PCDHA4: variants seen among roughly 807,000 people sequenced by gnomAD.
The protein encoded by PCDHA4 is protocadherin alpha-4.
PCDHA4 carries 49 observed loss-of-function variants against 61.4 expected under a neutral mutation model. The observed-to-expected ratio is 0.80, with a 90% CI of 0.63 to 1.01. PCDHA4 has a LOEUF of 1.01. Ranked by LOEUF, PCDHA4 falls within the 50% of genes least tolerant of loss-of-function variation. The pLI is 0.00. For synonymous variants in PCDHA4, 590 were observed against 550.3 expected (o/e 1.07, Z -1.01); for missense variants, 1,254 against 1,235.8 (o/e 1.01, Z -0.22).
intron 1 of PCDHA4, among the ~76,000 whole-genome samples, chr5:140,844,605 G>GA (rs1306948486): frequency 6.7e-6 from 1 of 149,186 alleles, no homozygotes; most frequent in Non-Finnish European, 1.5e-5. Context: ...ATATGACTTA[G>GA]AAAAATGTTT....
intron 1 of PCDHA4, among the ~76,000 whole-genome samples, chr5:140,961,356 CA>C (rs1164957121): frequency 1.3e-5 from 2 of 152,168 alleles, no homozygotes; most frequent in Non-Finnish European, 2.9e-5. Context: ...CTGTAGTCCC[CA>C]TTAGAATTCT....
chr5:140,875,410 A>G (rs1459624657), intron 1 of PCDHA4: 3 of 1,502,000 alleles, frequency 2.0e-6, no homozygotes, highest in African/African-American at 1.4e-5. Flanking sequence ...TGCTCATAAA[A>G]TACCTCAGGC....
At chr5:140,928,434 CTT>C (rs1554205890) in intron 1 of PCDHA4, 1 of 1,614,172 alleles carries the variant, frequency 6.2e-7, no homozygotes, top group South Asian at 1.1e-5. Flanking sequence ...CTTCCTTTGA[CTT>C]TGAGCAGCTC....
chr5:140,981,794 T>G (rs1290588653), intron 2 of PCDHA4, among the ~76,000 whole-genome samples: 2 of 152,150 alleles, frequency 1.3e-5, no homozygotes, highest in Non-Finnish European at 2.9e-5. Flanking sequence ...CTCTTTTCCC[T>G]TGAACAGTTT....
chr5:140,956,194 A>G (rs1370463281), intron 1 of PCDHA4, among the ~76,000 whole-genome samples: 1 of 152,060 alleles, frequency 6.6e-6, no homozygotes, highest in Non-Finnish European at 1.5e-5. Flanking sequence ...GCTGAATAGG[A>G]GTGGTGAAAG....
rs2150357213 is a variant in PCDHA4 at position 140,843,314 on chromosome 5, G to T, written c.2385+33742G>T. 3.8e-6 allele frequency: 6 copies of T among 1,596,084 alleles called. 2 individuals carry two copies. Among genetic ancestry groups the T allele is most frequent in the Non-Finnish European group, 5.1e-6 (6 of 1,165,598 alleles). ...ACCTGCGCTGACCGCCACGGCCACG[G>T]TTCTGGTGTCGCTGGTGGAGAGCGG... is the stretch of plus-strand genomic sequence containing the variant. On this transcript the variant is annotated intron_variant, in intron 1 of 3. Transcript: ENST00000530339.
Position 140,809,257 on chromosome 5 carries a change from T to C in PCDHA4, c.2070T>C (p.Asp690=). Residue 690 remains aspartate, a synonymous_variant, in exon 1 of 4, where the codon GAT becomes GAC. Transcript: ENST00000530339. ...SRALVGAVGP[D]AALVDVNVYL... is the part of the protein sequence containing the mutation. Reference sequence around the variant, plus strand: ...CGTTGGTGGGCGCTGTGGGTCCCGATGCTGCGCTGGTGGATGTCAACGTAT... The same window carrying C: ...CGTTGGTGGGCGCTGTGGGTCCCGACGCTGCGCTGGTGGATGTCAACGTAT... 1 of 1,614,092 alleles carries C rather than the reference T, an allele frequency of 6.2e-7. No homozygotes were observed. The highest frequency in any genetic ancestry group is 8.5e-7 in the Non-Finnish European group (1 of 1,179,962).
At chr5:140,823,074 G>T (rs2150121971) in intron 1 of PCDHA4, 5 of 1,613,698 alleles carry the variant, frequency 3.1e-6, no homozygotes, top group South Asian at 1.1e-5. Flanking sequence ...GCTCGCCTTC[G>T]CTGTGGGCCA....
rs2150119748 is a variant in PCDHA4, at chr5:140,822,840, C to T, written c.2385+13268C>T. 2.5e-5 allele frequency: 40 copies of T among 1,614,188 alleles called. 1 individual carries two copies. The South Asian group carries it at 4.3e-4, about 17-fold the overall frequency. On this transcript the variant is annotated intron_variant, in intron 1 of 3. Transcript: ENST00000530339. ...CAGAGATGGCCATAACCACCCTTTT[C>T]CTGCCTGTCAAAGAGGACGCTCCAC... is the stretch of plus-strand genomic sequence containing the variant.
In PCDHA4 at chr5:140,808,241, T is replaced by C; in HGVS notation, c.1054T>C (p.Phe352Leu). ...DNNDNVPDLE[F>L]KSLSLPIRED... ...CAACGATAATGTCCCAGATTTGGAA[T>C]TCAAGTCTTTATCACTTCCAATTAG... is the stretch of plus-strand genomic sequence containing the variant. The change falls in exon 1 of 4, where the codon TTC (phenylalanine) becomes CTC (leucine). Residue 352 changes from phenylalanine (F) to leucine (L), a missense_variant. By Grantham distance (22) the Phe-to-Leu change is conservative (BLOSUM62 0). Transcript: ENST00000530339. 5.6e-6 allele frequency: 9 copies of C among 1,614,244 alleles called. No individual in the cohort carries two copies. Among genetic ancestry groups the C allele is most frequent in the Non-Finnish European group, 7.6e-6 (9 of 1,180,036 alleles).
chr5:140,966,543 A>G lies in PCDHA4; in HGVS notation c.2386-12406A>G, dbSNP rs200134570. 641 of 461,190 alleles carry G rather than the reference A, an allele frequency of 1.4e-3. 4 individuals carry two copies. The highest frequency in any genetic ancestry group is 0.011 in the African/African-American group (555 of 49,108). The allele number at this position is 461,190 out of a possible 1,614,324, so 28.6% of individuals were successfully genotyped here. ...AGCCGAGCCGGGTTGAGCGACTCGGAGGCGAGCGGAGGAGCTGGAATATGG... is the reference window on the plus strand; with the variant it reads ...AGCCGAGCCGGGTTGAGCGACTCGGGGGCGAGCGGAGGAGCTGGAATATGG... On this transcript the variant is annotated intron_variant, in intron 1 of 3. Coordinates refer to ENST00000530339, the MANE Select transcript of PCDHA4 (RefSeq NM_018907.4).
intron 1 of PCDHA4, chr5:140,877,117 G>T (rs781979355): frequency 6.8e-6 from 11 of 1,613,720 alleles, no homozygotes; most frequent in Admixed American, 3.3e-5. Flanking sequence ...GGGCAGCAAC[G>T]TGACGCTGCA....
intron 1 of PCDHA4, chr5:140,810,988 A>G (rs1188660175): frequency 6.6e-6 from 1 of 152,160 alleles, no homozygotes; most frequent in Non-Finnish European, 1.5e-5. Flanking sequence ...GGTAGGGGTC[A>G]AGATTTATTT....
intron 1 of PCDHA4, among the ~76,000 whole-genome samples, chr5:140,965,939 C>A (rs1554227944): frequency 6.6e-6 from 1 of 152,188 alleles, no homozygotes; most frequent in Admixed American, 6.5e-5. Flanking sequence ...GGAAAGAGGG[C>A]AGCATTTGCC....
chr5:140,980,857 T>C (rs2153822974), intron 2 of PCDHA4, among the ~76,000 whole-genome samples: 1 of 152,334 alleles, frequency 6.6e-6, no homozygotes. Flanking sequence ...ATCTTTTTCG[T>C]ATGTGTGCTT....
intron 1 of PCDHA4, chr5:140,862,727 C>G (rs1407282014): frequency 3.5e-6 from 2 of 570,998 alleles, no homozygotes; most frequent in African/African-American, 1.9e-5. Context: ...TGCGCGCTGT[C>G]TAGCTATGTG....
intron 1 of PCDHA4, among the ~76,000 whole-genome samples, chr5:140,827,066 C>T (rs1769167179): frequency 6.6e-6 from 1 of 152,076 alleles, no homozygotes; most frequent in African/African-American, 2.4e-5. Context: ...TTGCTCATGC[C>T]TTGCTATTTA....
At chr5:141,000,993 C>A (rs1273666357) in intron 3 of PCDHA4, among the ~76,000 whole-genome samples, 1 of 151,964 alleles carries the variant, frequency 6.6e-6, no homozygotes, top group Non-Finnish European at 1.5e-5. Context: ...AATAAATATG[C>A]TTTAAATATG....
intron 1 of PCDHA4, among the ~76,000 whole-genome samples, chr5:140,917,324 CG>C (rs1299895515): frequency 5.3e-5 from 4 of 76,126 alleles, no homozygotes; most frequent in African/African-American, 1.7e-4. Context: ...GTTCATGTGG[CG>C]GGGGAGGGGG....
Sources: gnomAD v4.1 joint callset for allele counts (sites outside exome capture counted in the v4.1 genomes callset) on GRCh38, gnomAD v4.1.1 for gene constraint, MANE v1.5 for transcripts, NCBI Gene and HGNC (gene_info 2026-07-23, HGNC 2026-07-21) for gene names.